SMCR8: variants seen among roughly 807,000 people sequenced by gnomAD.
SMCR8 encodes the protein guanine nucleotide exchange protein SMCR8.
SMCR8 carries 30 observed loss-of-function variants against 56.6 expected under a neutral mutation model. The ratio of observed to expected loss-of-function variants is 0.53; its 90% CI spans 0.40 to 0.72. The LOEUF (loss-of-function observed/expected upper bound fraction) is 0.72. Among genes scored for constraint, SMCR8 ranks in the 30% least tolerant of loss-of-function variants. The pLI, the probability that SMCR8 is intolerant of heterozygous loss-of-function variation, is 0.00. For synonymous variants in SMCR8, 538 were observed against 456.0 expected (o/e 1.18, Z -2.29); for missense variants, 1,198 against 1,157.0 (o/e 1.04, Z -0.51).
In SMCR8 at chr17:18,317,305, GCAGT is replaced by G. The variant is rs1567758574; in HGVS notation, c.1520_1523del (p.Val507AlafsTer67). 2 of 1,614,116 alleles carry G rather than the reference GCAGT, an allele frequency of 1.2e-6. No individual in the cohort carries two copies. Among genetic ancestry groups the G allele is most frequent in the Non-Finnish European group, 8.5e-7 (1 of 1,180,024 alleles). The stretch of plus-strand genomic sequence containing the variant: ...GAGCCCCCAGGTGGTCCGGAGCAAA[GCAGT>G]CAGCCACAGGACCATCAGCGAGGAC... On this transcript the variant is annotated frameshift_variant, in exon 1 of 2. Coordinates refer to ENST00000406438, the MANE Select transcript of SMCR8 (RefSeq NM_144775.3). LOFTEE classifies it high-confidence loss of function.
intron 1 of SMCR8, among the ~76,000 whole-genome samples, chr17:18,319,720 T>TTTGTTG (rs548980771): frequency 6.6e-6 from 1 of 151,990 alleles, no homozygotes; most frequent in Non-Finnish European, 1.5e-5. Flanking sequence ...TTGTGTGTTT[T>TTTGTTG]TTGTTGTTGT....
At chr17:18,320,935 G>C (rs1415987917) in intron 1 of SMCR8, among the ~76,000 whole-genome samples, 2 of 152,174 alleles carry the variant, frequency 1.3e-5, no homozygotes, top group African/African-American at 4.8e-5. Flanking sequence ...GCCTCTCCCA[G>C]GGAGAATGAG....
At position 18,316,729 on chromosome 17, in the gene SMCR8, T is replaced by C; in HGVS notation, c.940T>C (p.Cys314Arg). The C allele has an allele frequency of 6.2e-7, 1 of 1,614,190 alleles. No homozygotes were observed. The highest frequency in any genetic ancestry group is 8.5e-7 in the Non-Finnish European group (1 of 1,180,026). Residue 314 changes from cysteine to arginine, a missense_variant, in exon 1 of 2, where the codon TGT becomes CGT. Coordinates refer to ENST00000406438, the MANE Select transcript of SMCR8 (RefSeq NM_144775.3). Reference sequence around the variant, plus strand: ...ACTTATCAAAGCAAAGTCCACCAAGTGTTTTGACAAGAAGTTGAAGACCTT... The same window carrying C: ...ACTTATCAAAGCAAAGTCCACCAAGCGTTTTGACAAGAAGTTGAAGACCTT... ...PKLIKAKSTK[C>R]FDKKLKTLEE...
Position 18,326,705 on chromosome 17 carries a change from GGCTGCAGTTGGAGGCCGAGGGCA to G in SMCR8, c.*3638_*3660del, listed in dbSNP as rs1284627562. 3.3e-5 allele frequency: 5 copies of G among 152,416 alleles called. No homozygotes were observed. In the East Asian group the frequency reaches 9.6e-4, roughly 29 times the overall value. The allele number at this position is 152,416 out of a possible 1,614,324, so 9.4% of individuals were successfully genotyped here. ...CCAATTTCATTTCACGCGCCAGGGC[GGCTGCAGTTGGAGGCCGAGGGCA>G]GCCCTCTGCTCACTGAATGTCTTGC... On this transcript the variant is annotated 3_prime_UTR_variant, in exon 2 of 2. Coordinates refer to ENST00000406438, the MANE Select transcript of SMCR8 (RefSeq NM_144775.3).
At chr17:18,322,590 C>T (rs1194257968) in intron 1 of SMCR8, 27 bp from the exon 2 acceptor site, 4 of 1,603,190 alleles carry the variant, frequency 2.5e-6, no homozygotes, top group Non-Finnish European at 3.4e-6. Flanking sequence ...CTTGCCCTTC[C>T]TCCTGACCTT....
Position 18,317,241 on chromosome 17 carries a change from T to G in SMCR8, c.1452T>G (p.Leu484=). The G allele has an allele frequency of 6.2e-7, 1 of 1,614,044 alleles. No homozygotes were observed. Among genetic ancestry groups the G allele is most frequent in the East Asian group, 2.2e-5 (1 of 44,858 alleles). ...GCACGGAGAAATCCACCTCCGTGCT[T>G]TCTAAATCTGACAGCCAGGCAAGCC... The part of the protein sequence containing the change: ...VLGTEKSTSV[L]SKSDSQASLT... Residue 484 remains leucine, a synonymous_variant, in exon 1 of 2, where the codon CTT becomes CTG. Coordinates refer to ENST00000406438, the MANE Select transcript of SMCR8 (RefSeq NM_144775.3).
rs370450028 is a variant in SMCR8 at position 18,316,772 on chromosome 17, C to A, written c.983C>A (p.Thr328Asn). Residue 328 changes from threonine to asparagine, a missense_variant, in exon 1 of 2, where the codon ACT becomes AAT. Thr to Asn is a moderately conservative substitution (Grantham distance 65). Transcript: ENST00000406438. ...KLKTLEELCD[T>N]EYFTQTLAQL... ...AAGACCTTGGAGGAGCTCTGTGACA[C>A]TGAATATTTCACCCAGACCCTGGCT... is the stretch of plus-strand genomic sequence containing the variant. 10 of 1,614,226 alleles carry A rather than the reference C, an allele frequency of 6.2e-6. No homozygotes were observed. The highest frequency in any genetic ancestry group is 4.5e-5 in the East Asian group (2 of 44,892).
In SMCR8 at chr17:18,327,505, A is replaced by C. The variant is rs750957775; in HGVS notation, c.*4435A>C. 1 of 152,210 alleles carries C rather than the reference A, an allele frequency of 6.6e-6. No individual in the cohort carries two copies. Among genetic ancestry groups the C allele is most frequent in the Non-Finnish European group, 1.5e-5 (1 of 68,048 alleles). The allele number at this position is 152,210 out of a possible 1,614,324, so 9.4% of individuals were successfully genotyped here. A position where few individuals can be genotyped will look rare whatever the true frequency, so the allele number is the denominator to read the frequency against. ...GCAGCTGCTCCACCCACAATAAAGC[A>C]AACGCCGACAGGCTAGACCCCAGAT... is the stretch of plus-strand genomic sequence containing the variant. On this transcript the variant is annotated 3_prime_UTR_variant, in exon 2 of 2. Transcript: ENST00000406438.
chr17:18,316,799 A>C lies in SMCR8; in HGVS notation c.1010A>C (p.Gln337Pro). 6.2e-7 allele frequency: 1 copy of C among 1,614,256 alleles called. No homozygotes were observed. The highest frequency in any genetic ancestry group is 8.5e-7 in the Non-Finnish European group (1 of 1,180,048). The change falls in exon 1 of 2, where the codon CAG becomes CCG. Residue 337 changes from glutamine (Q) to proline (P), a missense_variant. Transcript: ENST00000406438. ...DTEYFTQTLAQLSHIEHMFRG... is the reference protein window; with the variant it reads ...DTEYFTQTLAPLSHIEHMFRG... ...GAATATTTCACCCAGACCCTGGCTC[A>C]GCTCAGCCACATTGAACACATGTTC...
rs1982353790 is a variant in SMCR8, at chr17:18,317,450, C to T, written c.1661C>T (p.Ala554Val). 1 of 1,613,948 alleles carries T rather than the reference C, an allele frequency of 6.2e-7. No individual in the cohort carries two copies. ...EESYPDGNEG[A>V]IRFQASISPP... ...TCATATCCAGATGGCAATGAAGGAG[C>T]CATCCGCTTCCAGGCAAGCATCAGT... The change falls in exon 1 of 2, where the codon GCC becomes GTC. Residue 554 changes from alanine (A) to valine (V), a missense_variant. Coordinates refer to ENST00000406438, the MANE Select transcript of SMCR8 (RefSeq NM_144775.3).
chr17:18,318,212 G>A (rs2142993716), intron 1 of SMCR8, 63 bp downstream of exon 1: 1 of 1,489,230 alleles, frequency 6.7e-7, no homozygotes, highest in Non-Finnish European at 9.1e-7. Context: ...TATTGGTGTG[G>A]TGGAGCCAGA....
At chr17:18,320,331 T>A (rs1982461507) in intron 1 of SMCR8, among the ~76,000 whole-genome samples, 1 of 152,190 alleles carries the variant, frequency 6.6e-6, no homozygotes, top group South Asian at 2.1e-4. Flanking sequence ...TCTGGCCTCC[T>A]GAGGAGGAGC....
rs997374027 is a variant in SMCR8 at position 18,316,695 on chromosome 17, C to T, written c.906C>T (p.Tyr302=). The change falls in exon 1 of 2, where the codon TAC becomes TAT. Residue 302 remains tyrosine (Y), a synonymous_variant. Transcript: ENST00000406438. ...ACCTTTACACCTGCAGACCAGCCTA[C>T]ACCCCAAAACTTATCAAAGCAAAGT... ...DTDLYTCRPA[Y]TPKLIKAKST... 3.7e-6 allele frequency: 6 copies of T among 1,614,100 alleles called. No homozygotes were observed. Among genetic ancestry groups the T allele is most frequent in the African/African-American group, 1.3e-5 (1 of 74,926 alleles).
chr17:18,317,503 G>T lies in SMCR8; in HGVS notation c.1714G>T (p.Gly572Cys). The change falls in exon 1 of 2, where the codon GGC becomes TGC. Residue 572 changes from glycine to cysteine, a missense_variant. Transcript: ENST00000406438. ...TCCAGAACTGGGTGAGACAGAGGAA[G>T]GCAGCATAGAAAACACCCCATCACA... The part of the protein sequence containing the change: ...SPPELGETEE[G>C]SIENTPSQID... 6.2e-7 allele frequency: 1 copy of T among 1,614,088 alleles called. No homozygotes were observed. Among genetic ancestry groups the T allele is most frequent in the Non-Finnish European group, 8.5e-7 (1 of 1,180,042 alleles).
In SMCR8 at chr17:18,327,969, G is replaced by C. The variant is rs1982745622; in HGVS notation, c.*4899G>C. The C allele has an allele frequency of 1.3e-5, 2 of 152,574 alleles. No homozygotes were observed. Among genetic ancestry groups the C allele is most frequent in the South Asian group, 4.1e-4 (2 of 4,830 alleles). The allele number at this position is 152,574 out of a possible 1,614,324, so 9.5% of individuals were successfully genotyped here. A position where few individuals can be genotyped will look rare whatever the true frequency, so the allele number is the denominator to read the frequency against. On this transcript the variant is annotated 3_prime_UTR_variant, in exon 2 of 2. Transcript: ENST00000406438. The stretch of plus-strand genomic sequence containing the variant: ...GCTATAATTCTTGTAGACATTCTGT[G>C]GTTAAAAATTTGATTGTGCTTATTA...
intron 1 of SMCR8, among the ~76,000 whole-genome samples, chr17:18,318,564 C>T (rs918266694): frequency 7.9e-5 from 12 of 152,064 alleles, no homozygotes; most frequent in Admixed American, 5.2e-4. Context: ...CCACCACACC[C>T]GGCTAACTTT....
At position 18,322,843 on chromosome 17, in the gene SMCR8, T is replaced by C; in HGVS notation, c.2587T>C (p.Phe863Leu). Reference sequence around the variant, plus strand: ...CTGCTCCAAGGCCTTCCTCTACACCTTCTGCCACCACCTGCACCTGCCTAC... The same window carrying C: ...CTGCTCCAAGGCCTTCCTCTACACCCTCTGCCACCACCTGCACCTGCCTAC... The part of the protein sequence containing the change: ...QLCSKAFLYT[F>L]CHHLHLPTHD... Residue 863 changes from phenylalanine to leucine, a missense_variant, in exon 2 of 2, where the codon TTC becomes CTC. By Grantham distance (22) the Phe-to-Leu change is conservative (BLOSUM62 0). Coordinates refer to ENST00000406438, the MANE Select transcript of SMCR8 (RefSeq NM_144775.3). The C allele has an allele frequency of 3.1e-6, 5 of 1,613,974 alleles. No homozygotes were observed. The highest frequency in any genetic ancestry group is 4.2e-6 in the Non-Finnish European group (5 of 1,179,874).
In SMCR8 at chr17:18,317,590, C is replaced by T. The variant is rs781121884; in HGVS notation, c.1801C>T (p.Pro601Ser). 1.9e-6 allele frequency: 3 copies of T among 1,614,154 alleles called. No homozygotes were observed. Among genetic ancestry groups the T allele is most frequent in the East Asian group, 2.2e-5 (1 of 44,890 alleles). The change falls in exon 1 of 2, where the codon CCA becomes TCA. Residue 601 changes from proline to serine, a missense_variant. Coordinates refer to ENST00000406438, the MANE Select transcript of SMCR8 (RefSeq NM_144775.3). ...SDGQLVLPST[P>S]AHTHSDEDGV... ...TGGTCAGTTGGTGCTGCCCTCCACT[C>T]CAGCCCACACACACTCTGACGAGGA...
chr17:18,316,127 C>G lies in SMCR8; in HGVS notation c.338C>G (p.Pro113Arg), dbSNP rs753150911. ...GGCCATCCTCCTGGATCTGCCTACC[C>G]CAAGCTGAACTTCGTGGAGGACTCC... ...FVGHPPGSAY[P>R]KLNFVEDSKV... The change falls in exon 1 of 2, where the codon CCC (proline) becomes CGC (arginine). Residue 113 changes from proline (P) to arginine (R), a missense_variant. Physicochemically the swap from Pro to Arg is moderately radical, Grantham distance 103. Transcript: ENST00000406438. 2 of 1,613,988 alleles carry G rather than the reference C, an allele frequency of 1.2e-6. No individual in the cohort carries two copies. Among genetic ancestry groups the G allele is most frequent in the Non-Finnish European group, 1.7e-6 (2 of 1,180,038 alleles).
Sources: gnomAD v4.1 joint callset for allele counts (sites outside exome capture counted in the v4.1 genomes callset) on GRCh38, gnomAD v4.1.1 for gene constraint, MANE v1.5 for transcripts, NCBI Gene and HGNC (gene_info 2026-07-23, HGNC 2026-07-21) for gene names.